Variants in EGFR observed in about 807,000 individuals in gnomAD.
The protein encoded by EGFR is epidermal growth factor receptor, also known as avian erythroblastic leukemia viral (v-erb-b) oncogene homolog.
A neutral mutation model predicts 143.0 loss-of-function variants in EGFR; 58 were observed. That is an observed-to-expected ratio of 0.41 (90% CI 0.33 to 0.50). EGFR has a LOEUF of 0.50. Among genes scored for constraint, EGFR ranks in the 20% least tolerant of loss-of-function variants. EGFR has a pLI of 0.39. For synonymous variants in EGFR, 613 were observed against 594.4 expected (o/e 1.03, Z -0.45); for missense variants, 1,307 against 1,579.0 (o/e 0.83, Z 2.92).
chr7:55,178,401 G>A (rs1196311056), intron 19 of EGFR, among the ~76,000 whole-genome samples: 2 of 152,196 alleles, frequency 1.3e-5, no homozygotes, highest in African/African-American at 2.4e-5. Flanking sequence ...TGTCTCCCAC[G>A]TCTAAAGTCT....
intron 19 of EGFR, among the ~76,000 whole-genome samples, chr7:55,178,812 A>G (rs1187086879): frequency 6.6e-6 from 1 of 152,238 alleles, no homozygotes; most frequent in Non-Finnish European, 1.5e-5. Flanking sequence ...TAGAGAGCCT[A>G]AACACTCTGC....
chr7:55,145,952 A>C (rs1487476310), intron 3 of EGFR, among the ~76,000 whole-genome samples: 1 of 152,126 alleles, frequency 6.6e-6, no homozygotes, highest in African/African-American at 2.4e-5. Context: ...TTCATGTTTA[A>C]TGTCATCAGT....
At chr7:55,019,922 C>G (rs965442757) in intron 1 of EGFR, among the ~76,000 whole-genome samples, 2 of 152,192 alleles carry the variant, frequency 1.3e-5, no homozygotes, top group Non-Finnish European at 2.9e-5. Context: ...AGGACCTCCC[C>G]GCCTCCGCCC....
At chr7:55,203,173 TAC>T (rs1403973766) in intron 27 of EGFR, 2 of 218,290 alleles carry the variant, frequency 9.2e-6, no homozygotes, top group Non-Finnish European at 1.8e-5. Context: ...ACACATACCA[TAC>T]ACAGACACAT....
chr7:55,174,805 C>T lies in EGFR; in HGVS notation c.2268C>T (p.Asn756=), dbSNP rs1440194608. Residue 756 remains asparagine, a synonymous_variant, in exon 19 of 28, where the codon AAC becomes AAT. Coordinates refer to ENST00000275493, the MANE Select transcript of EGFR (RefSeq NM_005228.5). The part of the protein sequence containing the change: ...ELREATSPKA[N]KEILDEAYVM... Reference sequence around the variant, plus strand: ...GAGAAGCAACATCTCCGAAAGCCAACAAGGAAATCCTCGATGTGAGTTTCT... The same window carrying T: ...GAGAAGCAACATCTCCGAAAGCCAATAAGGAAATCCTCGATGTGAGTTTCT... 1 of 1,613,998 alleles carries T rather than the reference C, an allele frequency of 6.2e-7. No homozygotes were observed. Among genetic ancestry groups the T allele is most frequent in the Non-Finnish European group, 8.5e-7 (1 of 1,179,858 alleles).
At chr7:55,122,816 A>T (rs528158370) in intron 1 of EGFR, among the ~76,000 whole-genome samples, 1 of 152,340 alleles carries the variant, frequency 6.6e-6, no homozygotes, top group South Asian at 2.1e-4. Context: ...AGCATGTCTC[A>T]TGAGTATTGC....
chr7:55,115,394 C>G (rs1431512872), intron 1 of EGFR, among the ~76,000 whole-genome samples: 2 of 152,184 alleles, frequency 1.3e-5, no homozygotes, highest in Non-Finnish European at 2.9e-5. Context: ...AGCACATTGC[C>G]TACACAAACT....
chr7:55,029,555 C>G (rs1787134190), intron 1 of EGFR, among the ~76,000 whole-genome samples: 1 of 152,014 alleles, frequency 6.6e-6, no homozygotes, highest in Admixed American at 6.6e-5. Flanking sequence ...AGATGAAAAA[C>G]TTTGTCAAAT....
At chr7:55,131,963 A>T (rs1793867136) in intron 1 of EGFR, among the ~76,000 whole-genome samples, 1 of 149,754 alleles carries the variant, frequency 6.7e-6, no homozygotes. Flanking sequence ...AAAAAGAAGC[A>T]CACTGGTGCA....
intron 21 of EGFR, 63 bp downstream of exon 21, chr7:55,191,937 A>G (rs1220999962): frequency 1.2e-6 from 2 of 1,604,900 alleles, no homozygotes; most frequent in Admixed American, 1.7e-5. Context: ...CTGCCTTCCC[A>G]CTAGCTGTAT....
At chr7:55,200,631 G>T (rs142580446) in intron 24 of EGFR, 1 of 620,412 alleles carries the variant, frequency 1.6e-6, no homozygotes, top group Non-Finnish European at 2.9e-6. Context: ...CCCCCTCCCC[G>T]TCTGAACTCT....
intron 3 of EGFR, among the ~76,000 whole-genome samples, chr7:55,143,952 T>G (rs922337049): frequency 6.6e-6 from 1 of 152,044 alleles, no homozygotes; most frequent in Non-Finnish European, 1.5e-5. Flanking sequence ...GGATAGAGAA[T>G]GAGGTGTTCT....
chr7:55,181,059 C>G (rs1786840461), intron 19 of EGFR: 1 of 601,710 alleles, frequency 1.7e-6, no homozygotes, highest in African/African-American at 1.9e-5. Flanking sequence ...GCCTCTCTGT[C>G]ATGGGGAATC....
intron 15 of EGFR, chr7:55,170,931 T>C (rs1167067454): frequency 2.8e-6 from 4 of 1,423,586 alleles, no homozygotes; most frequent in East Asian, 2.6e-5. Flanking sequence ...CTGGCTGCTT[T>C]GTTCAATGCT....
intron 19 of EGFR, among the ~76,000 whole-genome samples, chr7:55,176,870 A>T (rs1361094314): frequency 6.8e-6 from 1 of 146,368 alleles, no homozygotes; most frequent in African/African-American, 2.5e-5. Context: ...AGAGATTTAT[A>T]TATATTTTAT....
chr7:55,060,512 G>A (rs1434826468), intron 1 of EGFR, among the ~76,000 whole-genome samples: 1 of 152,100 alleles, frequency 6.6e-6, no homozygotes, highest in African/African-American at 2.4e-5. Context: ...TTTTTTCCTA[G>A]CATCTTTTCC....
chr7:55,185,964 G>A (rs1368397873), intron 20 of EGFR, among the ~76,000 whole-genome samples: 2 of 152,240 alleles, frequency 1.3e-5, no homozygotes, highest in African/African-American at 4.8e-5. Context: ...CTCTGCTACT[G>A]ACAAGAAGCC....
chr7:55,019,980 G>A (rs1394119340), intron 1 of EGFR, among the ~76,000 whole-genome samples: 2 of 152,222 alleles, frequency 1.3e-5, no homozygotes, highest in Non-Finnish European at 2.9e-5. Flanking sequence ...CCTGGCCCCG[G>A]CCCCTCTCCA....
intron 15 of EGFR, 92 bp downstream of exon 15, chr7:55,165,529 G>T: frequency 1.3e-6 from 2 of 1,506,202 alleles, no homozygotes; most frequent in Non-Finnish European, 1.8e-6. Flanking sequence ...ACAAATTGCC[G>T]AGGTTTGTAT....
Sources: gnomAD v4.1 joint callset for allele counts (sites outside exome capture counted in the v4.1 genomes callset) on GRCh38, gnomAD v4.1.1 for gene constraint, MANE v1.5 for transcripts, NCBI Gene and HGNC (gene_info 2026-07-23, HGNC 2026-07-21) for gene names.